Variants in SCRG1 observed in about 807,000 individuals in gnomAD.
SCRG1 encodes stimulator of chondrogenesis 1, also known as scrapie-responsive protein 1.
In SCRG1, 3 loss-of-function variants were observed where a neutral mutation model predicts 7.7. The observed-to-expected ratio is 0.39, with a 90% CI of 0.18 to 1.01. The LOEUF (loss-of-function observed/expected upper bound fraction) is 1.01. Among genes scored for constraint, SCRG1 ranks in the 50% least tolerant of loss-of-function variants. The pLI, the probability that SCRG1 is intolerant of heterozygous loss-of-function variation, is 0.36. For synonymous variants in SCRG1, 46 were observed against 41.2 expected (o/e 1.12, Z -0.44); for missense variants, 110 against 117.2 (o/e 0.94, Z 0.28).
chr4:173,411,392 T>A, the SCRG1 span, among the ~76,000 whole-genome samples: 1 of 152,236 alleles, frequency 6.6e-6, no homozygotes, highest in African/African-American at 2.4e-5. Flanking sequence ...CAGCAAACAG[T>A]AAATAATGTT....
the SCRG1 span, among the ~76,000 whole-genome samples, chr4:173,443,815 G>A: frequency 3.3e-5 from 5 of 152,040 alleles, no homozygotes; most frequent in South Asian, 2.1e-4. Context: ...ATAGGCTTGC[G>A]TCACTATACT....
the SCRG1 span, among the ~76,000 whole-genome samples, chr4:173,486,381 T>C: frequency 6.6e-6 from 1 of 152,204 alleles, no homozygotes; most frequent in African/African-American, 2.4e-5. Flanking sequence ...CCTTCACCAC[T>C]GACATAATGC....
chr4:173,466,895 A>T, the SCRG1 span, among the ~76,000 whole-genome samples: 1 of 152,292 alleles, frequency 6.6e-6, no homozygotes, highest in East Asian at 1.9e-4. Flanking sequence ...ATTCTATTTG[A>T]CTCAGCAAAC....
the SCRG1 span, among the ~76,000 whole-genome samples, chr4:173,497,907 G>C: frequency 6.6e-6 from 1 of 151,800 alleles, no homozygotes; most frequent in African/African-American, 2.4e-5. Flanking sequence ...CTCGAACTCC[G>C]GACCTCAGGT....
the SCRG1 span, among the ~76,000 whole-genome samples, chr4:173,482,237 C>T: frequency 6.6e-6 from 1 of 152,090 alleles, no homozygotes; most frequent in African/African-American, 2.4e-5. Flanking sequence ...ATCTGTTTGA[C>T]TTTGGGCAAA....
the SCRG1 span, among the ~76,000 whole-genome samples, chr4:173,477,820 GAGCAGTGGCATAATCAT>G: frequency 6.7e-6 from 1 of 149,928 alleles, no homozygotes; most frequent in Admixed American, 6.7e-5. Flanking sequence ...CCAGGATGAA[GAGCAGTGGCATAATCAT>G]AGCCCACTTC....
At chr4:173,436,972 T>C in the SCRG1 span, among the ~76,000 whole-genome samples, 8 of 152,300 alleles carry the variant, frequency 5.3e-5, 1 homozygote, top group South Asian at 1.7e-3. Context: ...GCTGCTGGCT[T>C]TCCCCTCTCC....
At chr4:173,449,885 G>A in the SCRG1 span, among the ~76,000 whole-genome samples, 1 of 152,198 alleles carries the variant, frequency 6.6e-6, no homozygotes, top group African/African-American at 2.4e-5. Context: ...GAAAAGCAGA[G>A]GAGCTGAGAT....
At chr4:173,408,830 A>T (rs932482536), upstream of SCRG1, among the ~76,000 whole-genome samples, 2 of 151,972 alleles carry the variant, frequency 1.3e-5, no homozygotes, top group Non-Finnish European at 2.9e-5. Context: ...CGTCTCTACT[A>T]AAAATACAAA....
the SCRG1 span, chr4:173,467,684 T>C: frequency 2.0e-5 from 3 of 152,192 alleles, no homozygotes; most frequent in Non-Finnish European, 4.4e-5. Flanking sequence ...GTTTAGTATC[T>C]CTAGGCTAAC....
At chr4:173,511,828 G>C in the SCRG1 span, among the ~76,000 whole-genome samples, 1 of 152,178 alleles carries the variant, frequency 6.6e-6, no homozygotes, top group Non-Finnish European at 1.5e-5. The surrounding 1 kb of genome is among the most constrained non-coding windows in gnomAD (Gnocchi z 5.2). Context: ...ATGCAGATGA[G>C]GAGGACATTT....
rs1303140521 is a variant in SCRG1, at chr4:173,385,100, A to G, written c.*3241T>C. The G allele has an allele frequency of 6.6e-6, 1 of 152,214 alleles. No homozygotes were observed. Among genetic ancestry groups the G allele is most frequent in the East Asian group, 1.9e-4 (1 of 5,202 alleles). The allele number at this position is 152,214 out of a possible 1,614,324, so 9.4% of individuals were successfully genotyped here. A position where few individuals can be genotyped will look rare whatever the true frequency, so the allele number is the denominator to read the frequency against. ...TTTTTGTCCATAGAACAAGGATAAT[A>G]TCAGTACCTATCTCATTCAGTTGCT... On this transcript the variant is annotated 3_prime_UTR_variant, in exon 3 of 3. Coordinates refer to ENST00000296506, the MANE Select transcript of SCRG1 (RefSeq NM_007281.4).
the SCRG1 span, among the ~76,000 whole-genome samples, chr4:173,463,202 G>T: frequency 6.6e-6 from 1 of 152,192 alleles, no homozygotes; most frequent in African/African-American, 2.4e-5. Flanking sequence ...GAATAAGGTT[G>T]AAGACCCTTC....
At chr4:173,434,214 A>G in the SCRG1 span, among the ~76,000 whole-genome samples, 1 of 152,212 alleles carries the variant, frequency 6.6e-6, no homozygotes, top group Admixed American at 6.5e-5. Flanking sequence ...CAAATGTTAG[A>G]AATTTAAGGA....
At chr4:173,413,297 G>T in the SCRG1 span, among the ~76,000 whole-genome samples, 1 of 152,204 alleles carries the variant, frequency 6.6e-6, no homozygotes, top group Non-Finnish European at 1.5e-5. Context: ...TTACTTTCTT[G>T]TGAGGATAGG....
chr4:173,449,063 A>G, the SCRG1 span, among the ~76,000 whole-genome samples: 9 of 152,352 alleles, frequency 5.9e-5, no homozygotes, highest in African/African-American at 2.2e-4. Flanking sequence ...ACAGAGTGAG[A>G]GGTCTCCAGT....
chr4:173,490,805 C>G, the SCRG1 span, among the ~76,000 whole-genome samples: 1 of 152,208 alleles, frequency 6.6e-6, no homozygotes, highest in African/African-American at 2.4e-5. Context: ...CTAATTCCCT[C>G]TGGAAGCCTC....
the SCRG1 span, among the ~76,000 whole-genome samples, chr4:173,439,113 G>T: frequency 3.3e-5 from 5 of 152,066 alleles, no homozygotes; most frequent in African/African-American, 1.2e-4. Context: ...ATAAGTTCAG[G>T]CCCCTTGGAA....
At chr4:173,403,457 G>A (rs1163736043), upstream of SCRG1, among the ~76,000 whole-genome samples, 1 of 152,130 alleles carries the variant, frequency 6.6e-6, no homozygotes, top group African/African-American at 2.4e-5. Flanking sequence ...TAGAGAGTAA[G>A]GCACCCACCT....
Sources: gnomAD v4.1 joint callset for allele counts (sites outside exome capture counted in the v4.1 genomes callset) on GRCh38, gnomAD v4.1.1 for gene constraint, Gnocchi (gnomAD v3.1) non-coding constraint, MANE v1.5 for transcripts, NCBI Gene and HGNC (gene_info 2026-07-23, HGNC 2026-07-21) for gene names.